The following GRID2 variants were observed in gnomAD, a reference collection of about 807,000 sequenced individuals.
GRID2 encodes the protein glutamate receptor ionotropic, delta-2.
In GRID2, 33 loss-of-function variants were observed where a neutral mutation model predicts 114.8. The observed-to-expected ratio is 0.29, with a 90% CI of 0.22 to 0.38. GRID2 has a LOEUF of 0.38. GRID2 is among the 10% of genes least tolerant of loss of function. The probability of loss-of-function intolerance (pLI) is 1.00; values close to 1 mark genes in which losing one functional copy is unlikely to be tolerated. For synonymous variants in GRID2, 505 were observed against 449.9 expected (o/e 1.12, Z -1.55); for missense variants, 1,184 against 1,257.7 (o/e 0.94, Z 0.89).
chr4:92,405,834 G>T (rs1392593233), intron 1 of GRID2, among the ~76,000 whole-genome samples: 2 of 151,952 alleles, frequency 1.3e-5, no homozygotes, highest in Admixed American at 6.6e-5. Context: ...ATGAATTAGG[G>T]TTCTCTTAGA....
intron 8 of GRID2, among the ~76,000 whole-genome samples, chr4:93,371,287 A>T (rs376132374): frequency 7.2e-5 from 11 of 152,278 alleles, no homozygotes; most frequent in Admixed American, 3.9e-4. Flanking sequence ...CACCAGGTAC[A>T]GTTACATTCA....
chr4:92,668,302 T>C (rs531398613), intron 2 of GRID2, among the ~76,000 whole-genome samples: 1 of 151,812 alleles, frequency 6.6e-6, no homozygotes, highest in Non-Finnish European at 1.5e-5. Flanking sequence ...CTCAATCTTT[T>C]CCTATAATCA....
At chr4:92,592,838 CG>C (rs1383688953) in intron 2 of GRID2, among the ~76,000 whole-genome samples, 3 of 150,874 alleles carry the variant, frequency 2.0e-5, no homozygotes, top group Non-Finnish European at 3.0e-5. Flanking sequence ...TTTTGTAAAA[CG>C]GTGGCTTGAA....
At chr4:92,772,141 T>C (rs909903375) in intron 2 of GRID2, among the ~76,000 whole-genome samples, 2 of 152,202 alleles carry the variant, frequency 1.3e-5, no homozygotes, top group Non-Finnish European at 2.9e-5. Flanking sequence ...CCAAATCATC[T>C]TTAATTGTAT....
chr4:93,026,838 A>C (rs1723926542), intron 2 of GRID2, among the ~76,000 whole-genome samples: 1 of 152,058 alleles, frequency 6.6e-6, no homozygotes, highest in Non-Finnish European at 1.5e-5. Flanking sequence ...TTTAATACTT[A>C]CACAGCATAC....
At chr4:93,552,692 G>T (rs1733885941) in intron 13 of GRID2, among the ~76,000 whole-genome samples, 1 of 152,108 alleles carries the variant, frequency 6.6e-6, no homozygotes, top group South Asian at 2.1e-4. Context: ...GTGCAGGTTT[G>T]TTACATAGGT....
chr4:93,519,852 A>T (rs1305295763), intron 13 of GRID2, among the ~76,000 whole-genome samples: 1 of 152,146 alleles, frequency 6.6e-6, no homozygotes, highest in Non-Finnish European at 1.5e-5. Context: ...TGTCCACAGA[A>T]GTCCAAGAGC....
At chr4:92,753,756 A>C (rs1262603264) in intron 2 of GRID2, among the ~76,000 whole-genome samples, 1 of 152,176 alleles carries the variant, frequency 6.6e-6, no homozygotes, top group East Asian at 1.9e-4. Context: ...TTGAGGAAAG[A>C]AGGCAATTCA....
intron 2 of GRID2, among the ~76,000 whole-genome samples, chr4:92,691,405 G>C (rs1458465898): frequency 6.6e-6 from 1 of 152,018 alleles, no homozygotes; most frequent in Non-Finnish European, 1.5e-5. Context: ...TGGGCAAGGG[G>C]AACCTTAGGG....
intron 14 of GRID2, among the ~76,000 whole-genome samples, chr4:93,721,103 T>C (rs1396272533): frequency 6.6e-6 from 1 of 152,198 alleles, no homozygotes; most frequent in African/African-American, 2.4e-5. Context: ...ATCAAAGAAT[T>C]TGTTTTCAAT....
intron 1 of GRID2, among the ~76,000 whole-genome samples, chr4:92,481,000 A>G (rs1293803306): frequency 1.3e-5 from 2 of 152,134 alleles, no homozygotes; most frequent in Non-Finnish European, 2.9e-5. Flanking sequence ...TGAGGTTTCT[A>G]TGCTCTACAT....
chr4:92,589,474 C>T (rs1274865343), intron 1 of GRID2, among the ~76,000 whole-genome samples: 1 of 152,180 alleles, frequency 6.6e-6, no homozygotes, highest in Non-Finnish European at 1.5e-5. Context: ...AAAGTTAGCA[C>T]AGTGTTTATC....
intron 8 of GRID2, among the ~76,000 whole-genome samples, chr4:93,357,730 G>C (rs919854455): frequency 8.6e-5 from 13 of 151,542 alleles, no homozygotes; most frequent in Non-Finnish European, 1.5e-4. Flanking sequence ...AAAGGATCTT[G>C]ATTATGTTTG....
intron 2 of GRID2, among the ~76,000 whole-genome samples, chr4:92,781,600 C>A (rs1293956226): frequency 1.3e-5 from 2 of 151,856 alleles, no homozygotes; most frequent in Non-Finnish European, 2.9e-5. Context: ...TAGTTTTCTA[C>A]CTTCATAATT....
At chr4:93,517,749 C>T (rs1729871774) in intron 13 of GRID2, among the ~76,000 whole-genome samples, 1 of 151,604 alleles carries the variant, frequency 6.6e-6, no homozygotes, top group Non-Finnish European at 1.5e-5. Flanking sequence ...AGAAACTAGT[C>T]TTGAACATTT....
chr4:93,519,179 T>C (rs533951872), intron 13 of GRID2, among the ~76,000 whole-genome samples: 4 of 152,286 alleles, frequency 2.6e-5, no homozygotes, highest in Admixed American at 1.3e-4. Context: ...GCTTTTTCTC[T>C]GGTGGGATAT....
intron 2 of GRID2, among the ~76,000 whole-genome samples, chr4:92,866,339 C>A (rs1055499241): frequency 2.6e-5 from 4 of 152,162 alleles, no homozygotes. Flanking sequence ...AGCTTCCATA[C>A]TGCTTTTGGT....
At chr4:92,595,322 A>G (rs1321540787) in intron 2 of GRID2, among the ~76,000 whole-genome samples, 2 of 151,980 alleles carry the variant, frequency 1.3e-5, no homozygotes, top group East Asian at 3.8e-4. Flanking sequence ...AATTTGAATC[A>G]ATATCTCAAA....
downstream of GRID2, among the ~76,000 whole-genome samples, chr4:93,778,498 G>A (rs947756395): frequency 1.3e-5 from 2 of 150,424 alleles, no homozygotes; most frequent in Non-Finnish European, 2.9e-5. Flanking sequence ...CTAGGCTCAG[G>A]CAATTCTCGT....
Sources: gnomAD v4.1 joint callset for allele counts (sites outside exome capture counted in the v4.1 genomes callset) on GRCh38, gnomAD v4.1.1 for gene constraint, MANE v1.5 for transcripts, NCBI Gene and HGNC (gene_info 2026-07-23, HGNC 2026-07-21) for gene names.